MAST4: variants seen among roughly 807,000 people sequenced by gnomAD.
The protein encoded by MAST4 is microtubule associated serine/threonine kinase family member 4, also known as microtubule-associated serine/threonine-protein kinase 4.
Under a neutral mutation model 162.7 loss-of-function variants are expected in MAST4, and 89 were observed. That is an observed-to-expected ratio of 0.55 (90% confidence interval 0.46 to 0.65). The LOEUF (loss-of-function observed/expected upper bound fraction) is 0.65, where lower values mean the gene tolerates loss of function less well. Ranked by LOEUF, MAST4 falls within the 30% of genes least tolerant of loss-of-function variation. MAST4 has a pLI of 0.00. For missense variants in MAST4, 3,153 were observed against 3,374.0 expected (o/e 0.93, Z 1.62); for synonymous variants, 1,479 against 1,361.1 (o/e 1.09, Z -1.91).
At chr5:66,774,315 G>A (rs1362937764) in intron 2 of MAST4, among the ~76,000 whole-genome samples, 1 of 152,190 alleles carries the variant, frequency 6.6e-6, no homozygotes, top group African/African-American at 2.4e-5. Context: ...TTTTGGTTTT[G>A]CTCCATTTTG....
chr5:66,963,801 A>G, intron 4 of MAST4: 1 of 779,714 alleles, frequency 1.3e-6, no homozygotes, highest in Non-Finnish European at 2.4e-6. Context: ...AGCATGCTCC[A>G]GGGCCTGCCC....
At chr5:67,019,875 A>G (rs1021254804) in intron 4 of MAST4, among the ~76,000 whole-genome samples, 8 of 152,210 alleles carry the variant, frequency 5.3e-5, no homozygotes, top group African/African-American at 1.9e-4. Context: ...AAAACCGTCT[A>G]GTTGAACCCC....
At chr5:66,869,010 T>C (rs1279760821) in intron 3 of MAST4, among the ~76,000 whole-genome samples, 1 of 152,194 alleles carries the variant, frequency 6.6e-6, no homozygotes, top group African/African-American at 2.4e-5. Flanking sequence ...TTTAGTTAAT[T>C]TGCACATTGA....
chr5:66,638,914 CT>C (rs1256355814), intron 1 of MAST4, among the ~76,000 whole-genome samples: 2 of 152,188 alleles, frequency 1.3e-5, no homozygotes, highest in Middle Eastern at 3.4e-3. Context: ...ACGAAGAACA[CT>C]TTTGGGGGAA....
intron 1 of MAST4, among the ~76,000 whole-genome samples, chr5:66,658,409 G>T (rs545750104): frequency 6.6e-6 from 1 of 152,244 alleles, no homozygotes; most frequent in African/African-American, 2.4e-5. Flanking sequence ...GTTAATTGTA[G>T]AACTGTTATG....
chr5:66,713,527 A>G (rs1282641147), intron 1 of MAST4, among the ~76,000 whole-genome samples: 2 of 152,224 alleles, frequency 1.3e-5, no homozygotes, highest in African/African-American at 2.4e-5. Flanking sequence ...TAGGAAATAC[A>G]TTACTCAAAT....
chr5:67,064,876 T>G (rs1233546271), intron 5 of MAST4, among the ~76,000 whole-genome samples: 1 of 152,220 alleles, frequency 6.6e-6, no homozygotes, highest in Non-Finnish European at 1.5e-5. Flanking sequence ...GTCAACTTCT[T>G]GAAGTTACTG....
intron 1 of MAST4, among the ~76,000 whole-genome samples, chr5:66,666,588 A>G (rs1348048307): frequency 2.0e-5 from 3 of 152,238 alleles, no homozygotes; most frequent in African/African-American, 7.2e-5. Flanking sequence ...CTAATTTAGT[A>G]GAGAAATTGG....
At chr5:67,154,600 C>T (rs1184066515) in intron 26 of MAST4, among the ~76,000 whole-genome samples, 1 of 152,208 alleles carries the variant, frequency 6.6e-6, no homozygotes, top group Admixed American at 6.5e-5. Context: ...TTGCCCTCAT[C>T]TGGCTACGGA....
intron 1 of MAST4, among the ~76,000 whole-genome samples, chr5:66,647,653 A>G (rs1241852786): frequency 6.6e-6 from 1 of 152,196 alleles, no homozygotes; most frequent in Non-Finnish European, 1.5e-5. Flanking sequence ...GGTATAATCA[A>G]ACAAAATTCC....
At chr5:66,651,069 C>A (rs145851262) in intron 1 of MAST4, among the ~76,000 whole-genome samples, 1 of 152,094 alleles carries the variant, frequency 6.6e-6, no homozygotes, top group Non-Finnish European at 1.5e-5. Flanking sequence ...CATAGTAGAG[C>A]AAAATCTATA....
intron 1 of MAST4, among the ~76,000 whole-genome samples, chr5:66,715,732 GAAAAAA>G (rs34012737): frequency 2.4e-5 from 3 of 125,382 alleles, no homozygotes; most frequent in African/African-American, 2.8e-5. Flanking sequence ...GCCATGACAG[GAAAAAA>G]AAAAAAAAAA....
intron 3 of MAST4, 68 bp from the exon 4 acceptor site, chr5:66,899,883 C>A (rs2149977381): frequency 8.2e-7 from 1 of 1,224,710 alleles, no homozygotes; most frequent in South Asian, 1.6e-5. Context: ...CTACGTTATC[C>A]ATTTGGTATC....
intron 3 of MAST4, among the ~76,000 whole-genome samples, chr5:66,881,538 T>C (rs1163778748): frequency 2.6e-5 from 4 of 152,234 alleles, no homozygotes; most frequent in African/African-American, 9.6e-5. Context: ...CCACCTCTCC[T>C]ATCCTTATGG....
At chr5:67,077,983 C>A (rs569369851) in intron 5 of MAST4, among the ~76,000 whole-genome samples, 1 of 152,086 alleles carries the variant, frequency 6.6e-6, no homozygotes, top group African/African-American at 2.4e-5. Flanking sequence ...CCTGTATTCC[C>A]AGCTACTAGG....
intron 4 of MAST4, among the ~76,000 whole-genome samples, chr5:66,974,367 C>A (rs1329041580): frequency 6.6e-6 from 1 of 152,168 alleles, no homozygotes; most frequent in African/African-American, 2.4e-5. Context: ...CCACCTTGAG[C>A]CTACATCAAG....
chr5:66,947,003 A>G (rs1744106901), intron 4 of MAST4, among the ~76,000 whole-genome samples: 2 of 152,120 alleles, frequency 1.3e-5, no homozygotes, highest in African/African-American at 4.8e-5. Flanking sequence ...CCCTAATGAG[A>G]TGTAAATAAA....
At chr5:67,031,926 T>C (rs756623308) in intron 4 of MAST4, among the ~76,000 whole-genome samples, 12 of 152,186 alleles carry the variant, frequency 7.9e-5, no homozygotes, top group Non-Finnish European at 1.5e-4. Context: ...TGGTGTCCTT[T>C]ACTGCCTCTG....
intron 3 of MAST4, among the ~76,000 whole-genome samples, chr5:66,819,951 GTTTTTTCTTTTAATTT>G (rs1561353506): frequency 7.5e-6 from 1 of 133,468 alleles, no homozygotes; most frequent in Non-Finnish European, 1.6e-5. Context: ...TTTTTGTGGG[GTTTTTTCTTTTAATTT>G]TTTTTTTTTT....
Sources: gnomAD v4.1 joint callset for allele counts (sites outside exome capture counted in the v4.1 genomes callset) on GRCh38, gnomAD v4.1.1 for gene constraint, MANE v1.5 for transcripts, NCBI Gene and HGNC (gene_info 2026-07-23, HGNC 2026-07-21) for gene names.